Variants in RGS12 observed in about 807,000 individuals in gnomAD.
RGS12 encodes the protein regulator of G-protein signaling 12.
RGS12 carries 66 observed loss-of-function variants against 120.1 expected under a neutral mutation model. That is an observed-to-expected ratio of 0.55 (90% CI 0.45 to 0.67). The LOEUF (loss-of-function observed/expected upper bound fraction) is 0.67. RGS12 is among the 30% of genes least tolerant of loss of function. RGS12 has a pLI of 0.00. For synonymous variants in RGS12, 827 were observed against 804.7 expected (o/e 1.03, Z -0.47); for missense variants, 1,859 against 1,957.7 (o/e 0.95, Z 0.95).
intron 13 of RGS12, 160 bp downstream of exon 13, chr4:3,423,801 A>C: frequency 1.2e-6 from 1 of 865,844 alleles, no homozygotes; most frequent in South Asian, 1.8e-5. Context: ...TGCCATCCCC[A>C]GTTCTCGTTC....
At chr4:3,318,601 G>GGGTA (rs1724968110) in intron 2 of RGS12, among the ~76,000 whole-genome samples, 1 of 152,228 alleles carries the variant, frequency 6.6e-6, no homozygotes, top group South Asian at 2.1e-4. Context: ...GCTCACTGAG[G>GGGTA]GGTACCTCAA....
intron 3 of RGS12, among the ~76,000 whole-genome samples, chr4:3,368,510 CTG>C (rs1334806766): frequency 1.0e-5 from 1 of 98,110 alleles, no homozygotes; most frequent in Non-Finnish European, 2.0e-5. Context: ...GTGTGGGTGC[CTG>C]TGTGTGTGTG....
At chr4:3,287,657 G>C in the RGS12 span, among the ~76,000 whole-genome samples, 8 of 152,260 alleles carry the variant, frequency 5.3e-5, no homozygotes, top group African/African-American at 1.9e-4. Context: ...TAATTGCCAT[G>C]AGCTCTACTT....
rs16844251 is a variant in RGS12, at chr4:3,386,282, G to A, written c.1999-134G>A. On this transcript the variant is annotated intron_variant, in intron 3 of 17. Transcript: ENST00000336727. ...CTCATTGGGCCGTCTGGCTTTCCCG[G>A]GACACCTCCACCTGGAGAGTGCCTC... 7,405 of 830,142 alleles carry A rather than the reference G, an allele frequency of 8.9e-3. 369 individuals carry two copies. The African/African-American group carries it at 0.11, about 13-fold the overall frequency. The allele number at this position is 830,142 out of a possible 1,614,324, so 51.4% of individuals were successfully genotyped here.
intron 1 of RGS12, among the ~76,000 whole-genome samples, chr4:3,300,128 G>A (rs992685040): frequency 6.6e-6 from 1 of 152,258 alleles, no homozygotes; most frequent in Non-Finnish European, 1.5e-5. Flanking sequence ...ATTAGCGATG[G>A]TGCTGGTGGC....
intron 4 of RGS12, among the ~76,000 whole-genome samples, chr4:3,388,301 C>A (rs1251947222): frequency 6.6e-6 from 1 of 152,130 alleles, no homozygotes; most frequent in Non-Finnish European, 1.5e-5. Flanking sequence ...ATTTCAGGAA[C>A]CGCAGTGGGC....
intron 13 of RGS12, among the ~76,000 whole-genome samples, chr4:3,425,242 C>T (rs780660463): frequency 1.3e-5 from 2 of 152,278 alleles, no homozygotes; most frequent in Middle Eastern, 3.4e-3. Flanking sequence ...CCACCTCCTG[C>T]GTGATTCCAT....
chr4:3,359,019 C>T (rs1158508376), intron 3 of RGS12, among the ~76,000 whole-genome samples: 1 of 33,162 alleles, frequency 3.0e-5, no homozygotes, highest in Non-Finnish European at 6.1e-5. Flanking sequence ...TCCTCCTCCT[C>T]CCCTCCCCCT....
intron 2 of RGS12, among the ~76,000 whole-genome samples, chr4:3,335,799 A>G (rs911814649): frequency 1.3e-5 from 2 of 152,056 alleles, no homozygotes; most frequent in African/African-American, 2.4e-5. Flanking sequence ...AAAAATTCGA[A>G]AAAAACTGGG....
intron 1 of RGS12, among the ~76,000 whole-genome samples, chr4:3,310,243 CCGGGAAA>C: frequency 1.6e-5 from 2 of 124,110 alleles, no homozygotes; most frequent in Non-Finnish European, 3.5e-5. Context: ...GAGCTGGGAC[CCGGGAAA>C]TGGCAGGTGT....
chr4:3,411,997 G>A (rs1325458988), intron 4 of RGS12, among the ~76,000 whole-genome samples: 1 of 152,194 alleles, frequency 6.6e-6, no homozygotes, highest in Non-Finnish European at 1.5e-5. Flanking sequence ...CGGCCACCGC[G>A]GTCACACATT....
At chr4:3,383,597 CTG>C (rs1304089571) in intron 3 of RGS12, among the ~76,000 whole-genome samples, 1 of 140,552 alleles carries the variant, frequency 7.1e-6, no homozygotes, top group Non-Finnish European at 1.5e-5. Context: ...CAGAGCGAGA[CTG>C]TCAAAAAAAA....
intron 2 of RGS12, among the ~76,000 whole-genome samples, chr4:3,320,362 C>T (rs989979331): frequency 2.0e-5 from 3 of 152,230 alleles, no homozygotes; most frequent in African/African-American, 7.2e-5. Context: ...TTCCCACCCA[C>T]ACTGGAGCAG....
intron 1 of RGS12, among the ~76,000 whole-genome samples, chr4:3,309,768 C>G (rs1436644193): frequency 7.9e-6 from 1 of 126,420 alleles, no homozygotes; most frequent in Non-Finnish European, 1.7e-5. Flanking sequence ...AGCTGGGACT[C>G]GGGAATGGCA....
chr4:3,294,493 G>A (rs576019639), intron 1 of RGS12, among the ~76,000 whole-genome samples: 3 of 152,370 alleles, frequency 2.0e-5, no homozygotes, highest in African/African-American at 2.4e-5. Flanking sequence ...CTGAAAAAGC[G>A]ATATAAAAAG....
intron 16 of RGS12, among the ~76,000 whole-genome samples, chr4:3,429,231 C>T (rs897813672): frequency 3.3e-5 from 5 of 152,238 alleles, no homozygotes; most frequent in African/African-American, 4.8e-5. Flanking sequence ...AGACAACAGG[C>T]ACACTGGAAG....
In RGS12 at chr4:3,362,652, AGT is replaced by A. The variant is rs201341478; in HGVS notation, c.1998+19603_1998+19604del. 7.2e-3 allele frequency among the ~76,000 whole-genome samples: 761 copies of A among 106,406 alleles called. 10 individuals are homozygous for A. Among genetic ancestry groups the A allele is most frequent in the African/African-American group, 0.026 (702 of 26,972 alleles). The allele number at this position is 106,406 out of a possible 152,430, so 69.8% of individuals were successfully genotyped here. ...GTGAATGTGAGAGTGAGGGTGTGTC[AGT>A]GTGGGACTGAGGCTGAGTGTGAGGG... On this transcript the variant is annotated intron_variant, in intron 3 of 17. Transcript: ENST00000336727.
intron 2 of RGS12, among the ~76,000 whole-genome samples, chr4:3,325,594 A>G (rs956771500): frequency 6.6e-6 from 1 of 152,224 alleles, no homozygotes. Context: ...ATAGATTCAC[A>G]GCCGAATTCT....
At chr4:3,297,174 T>C (rs1247690604) in intron 1 of RGS12, among the ~76,000 whole-genome samples, 1 of 152,264 alleles carries the variant, frequency 6.6e-6, no homozygotes, top group African/African-American at 2.4e-5. Context: ...TCCCCAACTC[T>C]GTAATCATGG....
Sources: gnomAD v4.1 joint callset for allele counts (sites outside exome capture counted in the v4.1 genomes callset) on GRCh38, gnomAD v4.1.1 for gene constraint, MANE v1.5 for transcripts, NCBI Gene and HGNC (gene_info 2026-07-23, HGNC 2026-07-21) for gene names.